The following CCDC102B variants were observed in gnomAD, a reference collection of about 807,000 sequenced individuals.
CCDC102B encodes coiled-coil domain containing 102B.
In CCDC102B, 75 loss-of-function variants were observed where a neutral mutation model predicts 57.4. That is an observed-to-expected ratio of 1.31 (90% CI 1.08 to 1.58). CCDC102B has a LOEUF of 1.58. CCDC102B is among the 40% of genes most tolerant of loss of function. The pLI is 0.00. For synonymous variants in CCDC102B, 206 were observed against 201.9 expected, an observed-to-expected ratio of 1.02 and a Z score of -0.17; for missense variants, 636 against 582.6, an observed-to-expected ratio of 1.09 and a Z score of -0.94.
chr18:69,031,083 T>G (rs1055755223), intron 7 of CCDC102B, among the ~76,000 whole-genome samples: 1 of 152,234 alleles, frequency 6.6e-6, no homozygotes, highest in Non-Finnish European at 1.5e-5. Flanking sequence ...CCTAAAGGGC[T>G]TCATTAACAA....
chr18:68,736,415 C>T (rs566161919), intron 2 of CCDC102B, among the ~76,000 whole-genome samples: 26 of 152,244 alleles, frequency 1.7e-4, no homozygotes, highest in Admixed American at 8.5e-4. Context: ...TATGAGCTAA[C>T]GTAAGAGCTT....
At chr18:68,771,885 C>T (rs980199631) in intron 2 of CCDC102B, among the ~76,000 whole-genome samples, 38 of 151,602 alleles carry the variant, frequency 2.5e-4, no homozygotes, top group African/African-American at 8.7e-4. Flanking sequence ...CACACACACA[C>T]ACACACACAC....
intron 2 of CCDC102B, among the ~76,000 whole-genome samples, chr18:68,730,841 T>C (rs1174625065): frequency 6.6e-6 from 1 of 152,182 alleles, no homozygotes; most frequent in Non-Finnish European, 1.5e-5. Flanking sequence ...CCTGTATCAA[T>C]ATAAGAAAGG....
chr18:68,957,091 T>C (rs1445936470), intron 6 of CCDC102B, among the ~76,000 whole-genome samples: 4 of 152,066 alleles, frequency 2.6e-5, no homozygotes, highest in Non-Finnish European at 5.9e-5. Context: ...CCTTTTCACT[T>C]TGTTGATTAT....
intron 6 of CCDC102B, among the ~76,000 whole-genome samples, chr18:68,955,622 C>G (rs758559359): frequency 5.9e-4 from 89 of 151,592 alleles, no homozygotes; most frequent in Non-Finnish European, 1.1e-3. Flanking sequence ...TTCACCTTTT[C>G]CTTTTTTGTT....
At chr18:68,973,687 C>A (rs1347354463) in intron 6 of CCDC102B, among the ~76,000 whole-genome samples, 3 of 151,932 alleles carry the variant, frequency 2.0e-5, no homozygotes, top group Middle Eastern at 3.2e-3. Context: ...AATATCATTA[C>A]GGATTTATTT....
At chr18:68,916,673 T>C (rs1445758376) in intron 6 of CCDC102B, among the ~76,000 whole-genome samples, 3 of 152,208 alleles carry the variant, frequency 2.0e-5, no homozygotes, top group Admixed American at 2.0e-4. Flanking sequence ...ACAGCTGTCC[T>C]CATGAGGCTT....
intron 7 of CCDC102B, among the ~76,000 whole-genome samples, chr18:69,038,409 G>T (rs1426422820): frequency 6.6e-6 from 1 of 151,860 alleles, no homozygotes; most frequent in Non-Finnish European, 1.5e-5. Flanking sequence ...AATAAAACAT[G>T]AATATTTTAG....
chr18:68,882,552 A>G (rs563925593), intron 5 of CCDC102B, among the ~76,000 whole-genome samples: 1 of 152,224 alleles, frequency 6.6e-6, no homozygotes, highest in African/African-American at 2.4e-5. Flanking sequence ...GTTATTGTAA[A>G]CATGTAACCA....
At chr18:68,747,659 G>T (rs1055821155) in intron 2 of CCDC102B, among the ~76,000 whole-genome samples, 1 of 152,096 alleles carries the variant, frequency 6.6e-6, no homozygotes, top group Non-Finnish European at 1.5e-5. Context: ...TTAGCATAAT[G>T]TACTCCAGGT....
chr18:68,956,407 T>G (rs867473729), intron 6 of CCDC102B, among the ~76,000 whole-genome samples: 1 of 30,096 alleles, frequency 3.3e-5, no homozygotes, highest in African/African-American at 1.1e-4. Flanking sequence ...TAAATATATT[T>G]TATATATATT....
intron 3 of CCDC102B, among the ~76,000 whole-genome samples, chr18:68,840,270 T>C (rs1477532321): frequency 1.3e-5 from 2 of 152,104 alleles, no homozygotes; most frequent in African/African-American, 2.4e-5. Flanking sequence ...TATAAGTATA[T>C]ATTATATAAC....
At chr18:68,842,615 A>G (rs2037685148) in intron 3 of CCDC102B, among the ~76,000 whole-genome samples, 1 of 152,114 alleles carries the variant, frequency 6.6e-6, no homozygotes, top group African/African-American at 2.4e-5. Context: ...TCCATACCTA[A>G]GCGAGAAGCA....
chr18:69,030,816 G>A (rs1303240737), intron 7 of CCDC102B, among the ~76,000 whole-genome samples: 2 of 151,932 alleles, frequency 1.3e-5, no homozygotes, highest in Non-Finnish European at 2.9e-5. Flanking sequence ...CACCACGCCC[G>A]GATCATTTTT....
intron 6 of CCDC102B, among the ~76,000 whole-genome samples, chr18:68,987,966 C>A (rs1009533847): frequency 2.0e-5 from 3 of 152,246 alleles, no homozygotes; most frequent in African/African-American, 4.8e-5. Flanking sequence ...TTAGTTCAGC[C>A]GCTGTGGAAA....
intron 2 of CCDC102B, among the ~76,000 whole-genome samples, chr18:68,726,223 T>G (rs1325476259): frequency 1.3e-5 from 2 of 152,260 alleles, no homozygotes; most frequent in Admixed American, 6.5e-5. Flanking sequence ...GTGAAATTTT[T>G]TACATATGAA....
chr18:68,765,074 T>TAAATAAATAAATAAATAAAG (rs1053677471), intron 2 of CCDC102B, among the ~76,000 whole-genome samples: 2,438 of 147,986 alleles, frequency 0.016, 81 homozygotes, highest in African/African-American at 0.057. Context: ...AATAAATAAA[T>TAAATAAATAAATAAATAAAG]AAGCTGGGGA....
intron 7 of CCDC102B, among the ~76,000 whole-genome samples, chr18:69,044,025 A>C (rs371024303): frequency 3.0e-4 from 45 of 152,152 alleles, no homozygotes; most frequent in African/African-American, 1.0e-3. Flanking sequence ...TATTGCATTT[A>C]GTATGTGGCC....
intron 6 of CCDC102B, among the ~76,000 whole-genome samples, chr18:68,973,888 T>C (rs1043759578): frequency 6.6e-6 from 1 of 152,126 alleles, no homozygotes; most frequent in Non-Finnish European, 1.5e-5. Flanking sequence ...AAAATGGTGA[T>C]AGAACTGCTA....
Sources: gnomAD v4.1 joint callset for allele counts (sites outside exome capture counted in the v4.1 genomes callset) on GRCh38, gnomAD v4.1.1 for gene constraint, MANE v1.5 for transcripts, NCBI Gene and HGNC (gene_info 2026-07-23, HGNC 2026-07-21) for gene names.